The following FAM13C variants were observed in gnomAD, a reference collection of about 807,000 sequenced individuals.
FAM13C encodes the protein protein FAM13C.
Under a neutral mutation model 73.2 loss-of-function variants are expected in FAM13C, and 37 were observed. The ratio of observed to expected loss-of-function variants is 0.51; its 90% CI spans 0.39 to 0.67. The LOEUF is 0.67. FAM13C is among the 30% of genes least tolerant of loss of function. The pLI, the probability that FAM13C is intolerant of heterozygous loss-of-function variation, is 0.00. For missense variants in FAM13C, 589 were observed against 715.6 expected, an observed-to-expected ratio of 0.82 and a Z score of 2.02; for synonymous variants, 246 against 260.9, an observed-to-expected ratio of 0.94 and a Z score of 0.55.
rs752267289 is a variant in FAM13C at position 59,258,405 on chromosome 10, C to T, written c.1237-3962G>A. Among the ~76,000 whole-genome samples, 9 of 152,164 alleles carry T rather than the reference C, an allele frequency of 5.9e-5. No individual in the cohort carries two copies. The South Asian group carries it at 6.2e-4, about 11-fold the overall frequency. On this transcript the variant is annotated intron_variant, in intron 10 of 13. Transcript: ENST00000618804. Reference sequence around the variant, plus strand: ...GGCCGAGGTGGGGAGATTGCTTGAGCCCAGGAGTTCATGGCTGCAGTGAGC... The same window carrying T: ...GGCCGAGGTGGGGAGATTGCTTGAGTCCAGGAGTTCATGGCTGCAGTGAGC...
At chr10:59,291,424 C>T (rs1437540558) in intron 5 of FAM13C, among the ~76,000 whole-genome samples, 1 of 152,198 alleles carries the variant, frequency 6.6e-6, no homozygotes, top group East Asian at 1.9e-4. Flanking sequence ...CAGCACAGCA[C>T]ACCTCAGCTC....
At chr10:59,318,710 C>A (rs1310686277) in intron 4 of FAM13C, among the ~76,000 whole-genome samples, 1 of 152,026 alleles carries the variant, frequency 6.6e-6, no homozygotes, top group Non-Finnish European at 1.5e-5. Flanking sequence ...CTTTCCAGCT[C>A]CCTTTCTATG....
intron 6 of FAM13C, among the ~76,000 whole-genome samples, chr10:59,272,797 C>T (rs1843864401): frequency 6.6e-6 from 1 of 152,166 alleles, no homozygotes; most frequent in African/African-American, 2.4e-5. Flanking sequence ...TGTGTCAATA[C>T]AGTAGTCACC....
Position 59,247,650 on chromosome 10 carries a change from G to A in FAM13C, c.1722C>T (p.Val574=), listed in dbSNP as rs560951819. The A allele has an allele frequency of 2.5e-5, 41 of 1,613,392 alleles. 1 individual carries two copies. The South Asian group carries it at 4.5e-4, about 18-fold the overall frequency. Residue 574 remains valine, a synonymous_variant, in exon 14 of 14, where the codon GTC becomes GTT. Coordinates refer to ENST00000618804, the MANE Select transcript of FAM13C (RefSeq NM_198215.4). ...HIKAKLRLLE[V]LISKQDVAKT... is the part of the protein sequence containing the mutation. Reference sequence around the variant, plus strand: ...TGGCCACATCTTGCTTGCTGATGAGGACCTCTAATAGTCTCAGTTTGGCTT... The same window carrying A: ...TGGCCACATCTTGCTTGCTGATGAGAACCTCTAATAGTCTCAGTTTGGCTT...
chr10:59,279,191 T>C (rs1167661301), intron 6 of FAM13C, among the ~76,000 whole-genome samples: 1 of 152,178 alleles, frequency 6.6e-6, no homozygotes, highest in Admixed American at 6.5e-5. Context: ...GGCCTCATCT[T>C]TATATTTTAA....
At chr10:59,312,422 T>C (rs568260572) in intron 4 of FAM13C, among the ~76,000 whole-genome samples, 150 of 152,286 alleles carry the variant, frequency 9.8e-4, no homozygotes, top group African/African-American at 3.3e-3. Flanking sequence ...ATCTTCATTG[T>C]CACCAGCACC....
intron 5 of FAM13C, among the ~76,000 whole-genome samples, chr10:59,284,113 G>A (rs1845263277): frequency 6.6e-6 from 1 of 151,958 alleles, no homozygotes; most frequent in South Asian, 2.1e-4. Flanking sequence ...GGAGGGAGAT[G>A]ACCTTGGTCA....
chr10:59,253,778 T>G (rs1841644180), intron 11 of FAM13C: 1 of 152,278 alleles, frequency 6.6e-6, no homozygotes, highest in Non-Finnish European at 1.5e-5. Flanking sequence ...AAGTAACTGT[T>G]TTGATATTGA....
intron 3 of FAM13C, 60 bp downstream of exon 3, chr10:59,352,210 G>T (rs934086275): frequency 6.3e-7 from 1 of 1,585,918 alleles, no homozygotes. Flanking sequence ...TGCCAGAACC[G>T]TGTGGCCTAG....
intron 6 of FAM13C, chr10:59,282,053 C>A (rs1020175792): frequency 1.3e-5 from 2 of 152,236 alleles, no homozygotes; most frequent in South Asian, 2.1e-4. Flanking sequence ...TTTTATTTGC[C>A]ACTCATCCAA....
At chr10:59,270,263 A>G in intron 6 of FAM13C, 154 bp from the exon 7 acceptor site, 1 of 716,988 alleles carries the variant, frequency 1.4e-6, no homozygotes, top group Non-Finnish European at 2.3e-6. Flanking sequence ...AAATATTGTC[A>G]TGTTTATTCT....
At chr10:59,329,089 G>A (rs530769973) in intron 3 of FAM13C, among the ~76,000 whole-genome samples, 14 of 152,160 alleles carry the variant, frequency 9.2e-5, no homozygotes, top group Non-Finnish European at 2.1e-4. Context: ...CGTCCTGTAC[G>A]AGTTGATTTA....
chr10:59,319,645 A>G (rs1171779227), intron 4 of FAM13C, among the ~76,000 whole-genome samples: 1 of 152,190 alleles, frequency 6.6e-6, no homozygotes, highest in African/African-American at 2.4e-5. Context: ...TTAAGTGGCA[A>G]CTCCATACAG....
chr10:59,304,267 G>A (rs1847948326), intron 4 of FAM13C, among the ~76,000 whole-genome samples: 1 of 152,158 alleles, frequency 6.6e-6, no homozygotes. Flanking sequence ...ACCTTTGAGG[G>A]ATGGGTAGTT....
intron 6 of FAM13C, among the ~76,000 whole-genome samples, chr10:59,274,546 G>A (rs1382432424): frequency 1.3e-5 from 2 of 152,130 alleles, no homozygotes; most frequent in Non-Finnish European, 2.9e-5. Context: ...TGGAGGGGTG[G>A]GAAATTTGTC....
At chr10:59,327,928 G>C (rs778183114) in intron 3 of FAM13C, among the ~76,000 whole-genome samples, 4 of 152,154 alleles carry the variant, frequency 2.6e-5, no homozygotes, top group Admixed American at 6.5e-5. Context: ...GATCCAAACT[G>C]ACCAAGGGGA....
chr10:59,329,615 C>T (rs188718518), intron 3 of FAM13C, among the ~76,000 whole-genome samples: 209 of 151,890 alleles, frequency 1.4e-3, no homozygotes, highest in African/African-American at 4.8e-3. Context: ...TGCCTTGGCC[C>T]CCAAAATGCT....
intron 7 of FAM13C, 134 bp from the exon 8 acceptor site, chr10:59,268,825 A>G (rs895341414): frequency 1.1e-5 from 11 of 1,039,306 alleles, no homozygotes; most frequent in Non-Finnish European, 1.5e-5. Flanking sequence ...TGAGGCCACC[A>G]TGGTAGCATC....
chr10:59,311,978 G>A (rs538997168), intron 4 of FAM13C, among the ~76,000 whole-genome samples: 1 of 152,212 alleles, frequency 6.6e-6, no homozygotes. Flanking sequence ...AAGTAAGAAA[G>A]CGGTGACAAA....
Sources: gnomAD v4.1 joint callset for allele counts (sites outside exome capture counted in the v4.1 genomes callset) on GRCh38, gnomAD v4.1.1 for gene constraint, MANE v1.5 for transcripts, NCBI Gene and HGNC (gene_info 2026-07-23, HGNC 2026-07-21) for gene names.